KRT75: variants seen among roughly 807,000 people sequenced by gnomAD.
KRT75 encodes the protein keratin, type II cytoskeletal 75.
In KRT75, 35 loss-of-function variants were observed where a neutral mutation model predicts 48.8. The observed-to-expected ratio is 0.72, with a 90% confidence interval of 0.55 to 0.95. KRT75 has a LOEUF of 0.95. Ranked by LOEUF, KRT75 falls within the 40% of genes least tolerant of loss-of-function variation. KRT75 has a pLI of 0.00. For synonymous variants in KRT75, 301 were observed against 282.3 expected, an observed-to-expected ratio of 1.07 and a Z score of -0.66; for missense variants, 776 against 709.9, an observed-to-expected ratio of 1.09 and a Z score of -1.06.
rs560652974 is a variant in KRT75, at chr12:52,430,403, G to T, written c.1035+138C>A. ...TTCCACATGCATTTCAAGCTAAGTT[G>T]TCATAGCATCAAAGACATGCCTGCT... On this transcript the variant is annotated intron_variant, in intron 5 of 8. Transcript: ENST00000252245. The T allele has an allele frequency of 5.8e-5, 53 of 915,614 alleles. No individual in the cohort carries two copies. In the South Asian group the frequency reaches 6.5e-4, roughly 11 times the overall value. The allele number at this position is 915,614 out of a possible 1,614,324, so 56.7% of individuals were successfully genotyped here. A position where few individuals can be genotyped will look rare whatever the true frequency, so the allele number is the denominator to read the frequency against.
chr12:52,430,294 C>T (rs1014008385), intron 5 of KRT75, among the ~76,000 whole-genome samples: 9 of 152,146 alleles, frequency 5.9e-5, no homozygotes, highest in Non-Finnish European at 8.8e-5. Context: ...CCTGCTCCCA[C>T]CCAGATCTTG....
At position 52,431,117 on chromosome 12, in the gene KRT75, T is replaced by TG. The variant is rs1179134319; in HGVS notation, c.871-413dup. On this transcript the variant is annotated intron_variant, in intron 4 of 8. Transcript: ENST00000252245. ...TTCCACAGACCCAGGTCTCTGCCTTTGGAGGGGTAGCGCCCAGAATGAGGC... is the reference window on the plus strand; with the variant it reads ...TTCCACAGACCCAGGTCTCTGCCTTTGGGAGGGGTAGCGCCCAGAATGAGGC... 1.1e-4 allele frequency among the ~76,000 whole-genome samples: 17 copies of TG among 152,072 alleles called. No homozygotes were observed. In the East Asian group the frequency reaches 1.2e-3, roughly 10 times the overall value.
chr12:52,433,591 A>G (rs1007712818), intron 1 of KRT75, among the ~76,000 whole-genome samples: 4 of 152,122 alleles, frequency 2.6e-5, no homozygotes, highest in African/African-American at 9.7e-5. Flanking sequence ...TGTTGACTGA[A>G]CCAGCCCATG....
intron 7 of KRT75, chr12:52,428,013 G>A (rs149409424): frequency 1.8e-6 from 1 of 561,654 alleles, no homozygotes; most frequent in African/African-American, 1.9e-5. Context: ...TCCTTTGGTA[G>A]AATTCAGTTA....
chr12:52,429,682 C>T (rs1940119047), intron 5 of KRT75, among the ~76,000 whole-genome samples: 1 of 152,188 alleles, frequency 6.6e-6, no homozygotes, highest in South Asian at 2.1e-4. Flanking sequence ...CTTTCACCGT[C>T]AAGGCGCTGC....
At chr12:52,430,352 C>G (rs1384637172) in intron 5 of KRT75, among the ~76,000 whole-genome samples, 189 bp downstream of exon 5, 1 of 152,008 alleles carries the variant, frequency 6.6e-6, no homozygotes, top group Non-Finnish European at 1.5e-5. Context: ...ATTGGGCTGA[C>G]CATGTATTAG....
intron 3 of KRT75, 104 bp from the exon 4 acceptor site, chr12:52,431,742 G>C: frequency 2.1e-6 from 2 of 964,164 alleles, no homozygotes; most frequent in Non-Finnish European, 3.3e-6. Context: ...TTGGATTTTA[G>C]AAAACTCTGG....
In KRT75 at chr12:52,434,307, T is replaced by A. The variant is rs758306612; in HGVS notation, c.-3A>T. 9 of 1,584,368 alleles carry A rather than the reference T, an allele frequency of 5.7e-6. No homozygotes were observed. The East Asian group carries it at 1.8e-4, about 31-fold the overall frequency. ...GTGATGGAGGACTGCCGAGACATGG[T>A]GGGTGAGGAAGGCCGGCGAGAAGGC... is the stretch of plus-strand genomic sequence containing the variant. On this transcript the variant is annotated 5_prime_UTR_variant, in exon 1 of 9. Coordinates refer to ENST00000252245, the MANE Select transcript of KRT75 (RefSeq NM_004693.3).
chr12:52,433,600 T>C (rs1940174604), intron 1 of KRT75, among the ~76,000 whole-genome samples: 1 of 152,126 alleles, frequency 6.6e-6, no homozygotes, highest in African/African-American at 2.4e-5. Context: ...AACCAGCCCA[T>C]GTGGCTCCGA....
chr12:52,430,125 C>T (rs908580687), intron 5 of KRT75, among the ~76,000 whole-genome samples: 1 of 152,224 alleles, frequency 6.6e-6, no homozygotes, highest in Admixed American at 6.5e-5. Context: ...CCATTCACTT[C>T]ATGGCCTCCC....
intron 4 of KRT75, 72 bp downstream of exon 4, chr12:52,431,471 T>C: frequency 9.0e-7 from 1 of 1,115,856 alleles, no homozygotes; most frequent in Admixed American, 1.7e-5. Flanking sequence ...AATGAATGAA[T>C]GGCACAATGC....
chr12:52,426,125 G>T (rs569300433), intron 8 of KRT75, among the ~76,000 whole-genome samples: 36 of 152,300 alleles, frequency 2.4e-4, no homozygotes, highest in African/African-American at 8.2e-4. Context: ...CTTGTAGAGG[G>T]TGAGTTGTAA....
At chr12:52,430,512 G>A (rs780107211) in intron 5 of KRT75, 29 bp downstream of exon 5, 1 of 1,610,900 alleles carries the variant, frequency 6.2e-7, no homozygotes, top group Non-Finnish European at 8.5e-7. Context: ...ACTAACCCTG[G>A]AACCTCTCAT....
At position 52,434,004 on chromosome 12, in the gene KRT75, C is replaced by A; in HGVS notation, c.301G>T (p.Gly101Trp). Residue 101 changes from glycine to tryptophan, a missense_variant, in exon 1 of 9, where the codon GGG becomes TGG. Gly to Trp is a radical substitution (Grantham distance 184). Transcript: ENST00000252245. ...RFGVNSGFGYGGGVGGGFSGP... is the reference protein window; with the variant it reads ...RFGVNSGFGYWGGVGGGFSGP... ...CTGAAGCCTCCTCCAACTCCACCCCCATAGCCAAATCCACTGTTGACTCCA... is the reference window on the plus strand; with the variant it reads ...CTGAAGCCTCCTCCAACTCCACCCCAATAGCCAAATCCACTGTTGACTCCA... 6.2e-7 allele frequency: 1 copy of A among 1,614,148 alleles called. No homozygotes were observed. The highest frequency in any genetic ancestry group is 8.5e-7 in the Non-Finnish European group (1 of 1,180,012).
At position 52,424,190 on chromosome 12, in the gene KRT75, C is replaced by A; in HGVS notation, c.*327G>T. On this transcript the variant is annotated 3_prime_UTR_variant, in exon 9 of 9. Coordinates refer to ENST00000252245, the MANE Select transcript of KRT75 (RefSeq NM_004693.3). ...GGTGACAACCTGGCATTGAGAGACT[C>A]CCCAGCCTCTGCATCTGGAGGGAGG... 1 of 433,714 alleles carries A rather than the reference C, an allele frequency of 2.3e-6. No homozygotes were observed. The highest frequency in any genetic ancestry group is 2.1e-5 in the South Asian group (1 of 46,562). 26.9% of individuals were successfully genotyped at this position (433,714 alleles called of 1,614,324 possible).
rs183195343 is a variant in KRT75, at chr12:52,430,325, T to A, written c.1035+216A>T. On this transcript the variant is annotated intron_variant, in intron 5 of 8. Coordinates refer to ENST00000252245, the MANE Select transcript of KRT75 (RefSeq NM_004693.3). ...TCTTGAGGAATGTGGGGCCAGTGGA[T>A]GTCCTGAGCTCCCAGCATTGGGCTG... Among the ~76,000 whole-genome samples the A allele has an allele frequency of 2.6e-5, 4 of 152,252 alleles. No homozygotes were observed. The East Asian group carries it at 7.7e-4, about 29-fold the overall frequency.
At position 52,428,434 on chromosome 12, in the gene KRT75, C is replaced by T; in HGVS notation, c.1204G>A (p.Gly402Arg). Residue 402 changes from glycine to arginine, a missense_variant, in exon 7 of 9, where the codon GGA (glycine) becomes AGA (arginine). Gly to Arg is a moderately radical substitution (Grantham distance 125). Coordinates refer to ENST00000252245, the MANE Select transcript of KRT75 (RefSeq NM_004693.3). ...CGTGCATCCTTGAGAGCCAGTTCTC[C>T]CCGCTGCTCTGCATCAGCAATGGCC... ...QTAIADAEQRGELALKDARAK... is the reference protein window; with the variant it reads ...QTAIADAEQRRELALKDARAK... 1.2e-6 allele frequency: 2 copies of T among 1,614,112 alleles called. No homozygotes were observed. Among genetic ancestry groups the T allele is most frequent in the Non-Finnish European group, 1.7e-6 (2 of 1,180,004 alleles).
chr12:52,430,831 C>T, intron 4 of KRT75, 126 bp from the exon 5 acceptor site: 1 of 1,034,166 alleles, frequency 9.7e-7, no homozygotes, highest in South Asian at 1.3e-5. Context: ...CCAGCTATTC[C>T]CTAGGTATTC....
chr12:52,432,200 T>A, intron 2 of KRT75, 134 bp from the exon 3 acceptor site: 1 of 759,046 alleles, frequency 1.3e-6, no homozygotes. Context: ...TTTGGGTGAT[T>A]CATTTAACCT....
Sources: allele counts gnomAD v4.1 joint callset (sites outside exome capture counted in the v4.1 genomes callset), GRCh38; gene constraint gnomAD v4.1.1; transcripts MANE v1.5; gene names NCBI Gene and HGNC (gene_info 2026-07-23, HGNC 2026-07-21).